Variants in GSKIP observed in about 807,000 individuals in gnomAD.
The protein encoded by GSKIP is GSK3B-interacting protein.
A neutral mutation model predicts 11.9 loss-of-function variants in GSKIP; 5 were observed. The ratio of observed to expected loss-of-function variants is 0.42; its 90% CI spans 0.22 to 0.89. The LOEUF (loss-of-function observed/expected upper bound fraction) is 0.89. Ranked by LOEUF, GSKIP falls within the 40% of genes least tolerant of loss-of-function variation. GSKIP has a pLI of 0.29. For synonymous variants in GSKIP, 70 were observed against 62.9 expected (o/e 1.11, Z -0.54); for missense variants, 150 against 166.6 (o/e 0.90, Z 0.55).
At chr14:96,376,640 T>A (rs1482015647) in intron 1 of GSKIP, among the ~76,000 whole-genome samples, 1 of 152,212 alleles carries the variant, frequency 6.6e-6, no homozygotes. Context: ...GACATATCAT[T>A]GTTTTCTGTA....
chr14:96,374,521 C>T (rs150782934), intron 1 of GSKIP, among the ~76,000 whole-genome samples: 2 of 152,184 alleles, frequency 1.3e-5, no homozygotes, highest in African/African-American at 2.4e-5. Context: ...GTGTGATAGT[C>T]GAGAAACATC....
chr14:96,369,980 A>G (rs1471461778), intron 1 of GSKIP, among the ~76,000 whole-genome samples: 2 of 152,224 alleles, frequency 1.3e-5, no homozygotes, highest in Non-Finnish European at 2.9e-5. Flanking sequence ...CAGCAGAGTC[A>G]TAGGGATGAG....
chr14:96,368,713 C>CGTATAT (rs1314412034), intron 1 of GSKIP, among the ~76,000 whole-genome samples: 2 of 152,008 alleles, frequency 1.3e-5, no homozygotes, highest in Non-Finnish European at 2.9e-5. Context: ...TATCTGTCTC[C>CGTATAT]CTCCCTCTCC....
At chr14:96,371,678 C>T (rs1038329014) in intron 1 of GSKIP, among the ~76,000 whole-genome samples, 4 of 152,130 alleles carry the variant, frequency 2.6e-5, no homozygotes, top group African/African-American at 9.7e-5. Flanking sequence ...AACTCCTGAC[C>T]TTGAGTGATC....
chr14:96,376,973 T>A (rs1268865005), intron 1 of GSKIP, among the ~76,000 whole-genome samples: 1 of 152,226 alleles, frequency 6.6e-6, no homozygotes, highest in African/African-American at 2.4e-5. Flanking sequence ...GATTCAATTA[T>A]ATCTCAAGTT....
chr14:96,366,989 C>T (rs1308791352), intron 1 of GSKIP, among the ~76,000 whole-genome samples: 1 of 152,294 alleles, frequency 6.6e-6, no homozygotes, highest in East Asian at 1.9e-4. Flanking sequence ...CACCTCACGG[C>T]TCTTGGAGGA....
At chr14:96,372,891 A>G (rs1194036432) in intron 1 of GSKIP, among the ~76,000 whole-genome samples, 1 of 152,184 alleles carries the variant, frequency 6.6e-6, no homozygotes, top group Non-Finnish European at 1.5e-5. Context: ...CTGAATACTA[A>G]TTCATGAGTT....
At chr14:96,363,746 G>A (rs1274205582) in intron 1 of GSKIP, 178 bp downstream of exon 1, 2 of 152,312 alleles carry the variant, frequency 1.3e-5, no homozygotes, top group African/African-American at 4.8e-5. Flanking sequence ...GGGTCTGGGG[G>A]CCGGTCTGGC....
At chr14:96,370,644 A>G (rs1343316665) in intron 1 of GSKIP, among the ~76,000 whole-genome samples, 1 of 151,968 alleles carries the variant, frequency 6.6e-6, no homozygotes, top group Non-Finnish European at 1.5e-5. Flanking sequence ...CTTTCTATCT[A>G]CCTACCTACC....
At chr14:96,366,969 C>T (rs1006333200) in intron 1 of GSKIP, among the ~76,000 whole-genome samples, 15 of 152,186 alleles carry the variant, frequency 9.9e-5, no homozygotes, top group African/African-American at 3.6e-4. Context: ...ACGACGCTGT[C>T]AGGGCTCCAC....
Position 96,385,610 on chromosome 14 carries a change from C to T in GSKIP, c.346C>T (p.Pro116Ser). Reference protein sequence around the residue: ...TVYSLLDTLSPAYREAFGNAL... With the variant: ...TVYSLLDTLSSAYREAFGNAL... ...CTACTCCTTGTTGGATACACTCAGC[C>T]CCGCCTACCGAGAAGCATTTGGAAA... The change falls in exon 4 of 4, where the codon CCC becomes TCC. Residue 116 changes from proline to serine, a missense_variant. Physicochemically the swap from Pro to Ser is moderately conservative, Grantham distance 74 (BLOSUM62 -1). Transcript: ENST00000555181. 1 of 1,613,376 alleles carries T rather than the reference C, an allele frequency of 6.2e-7. No homozygotes were observed. Among genetic ancestry groups the T allele is most frequent in the Non-Finnish European group, 8.5e-7 (1 of 1,179,576 alleles).
chr14:96,375,196 T>C (rs1889164259), intron 1 of GSKIP, among the ~76,000 whole-genome samples: 1 of 151,482 alleles, frequency 6.6e-6, no homozygotes, highest in Non-Finnish European at 1.5e-5. Context: ...AGATATAAAA[T>C]AGAATCCTAA....
At chr14:96,380,821 C>T (rs1889324598) in intron 2 of GSKIP, among the ~76,000 whole-genome samples, 1 of 152,154 alleles carries the variant, frequency 6.6e-6, no homozygotes, top group African/African-American at 2.4e-5. Context: ...GTGATCACAC[C>T]TGTGAATAAC....
Position 96,374,688 on chromosome 14 carries a change from GA to G in GSKIP, c.-102-4991del, listed in dbSNP as rs201183075. 3.3e-5 allele frequency among the ~76,000 whole-genome samples: 5 copies of G among 150,488 alleles called. No individual in the cohort carries two copies. The South Asian group carries it at 8.4e-4, about 25-fold the overall frequency. ...AAGAAACATATTTAAAGACTTGAAA[GA>G]AAAAAAAACTGCCAACCTAGGATTC... On this transcript the variant is annotated intron_variant, in intron 1 of 3. Coordinates refer to ENST00000555181, the MANE Select transcript of GSKIP (RefSeq NM_016472.5).
chr14:96,368,468 C>T (rs138721308), intron 1 of GSKIP, among the ~76,000 whole-genome samples: 19 of 152,298 alleles, frequency 1.2e-4, no homozygotes, highest in Admixed American at 1.2e-3. Flanking sequence ...CAGCACCCAG[C>T]CAGTGTTGCT....
At chr14:96,383,090 C>T (rs767121068) in intron 3 of GSKIP, among the ~76,000 whole-genome samples, 12 of 152,076 alleles carry the variant, frequency 7.9e-5, no homozygotes, top group Non-Finnish European at 1.3e-4. Context: ...GAAAACATCA[C>T]CTGAGAGCAA....
chr14:96,365,045 T>G (rs964017244), intron 1 of GSKIP: 11 of 152,040 alleles, frequency 7.2e-5, no homozygotes, highest in Admixed American at 1.3e-4. Flanking sequence ...ATTTATTGAT[T>G]GCCTTCTGTG....
Position 96,366,547 on chromosome 14 carries a change from CA to C in GSKIP, c.-103+2982del, listed in dbSNP as rs201972731. Among the ~76,000 whole-genome samples the C allele has an allele frequency of 8.7e-3, 1,328 of 152,160 alleles. 22 individuals are homozygous for C. Among genetic ancestry groups the C allele is most frequent in the African/African-American group, 0.03 (1,248 of 41,484 alleles). On this transcript the variant is annotated intron_variant, in intron 1 of 3. Transcript: ENST00000555181. Reference sequence around the variant, plus strand: ...TGCCATTTTTGTGTTTTGTCAAAGACAAAGTACCTGTCACAAAATGTTAACA... The same window carrying C: ...TGCCATTTTTGTGTTTTGTCAAAGACAAGTACCTGTCACAAAATGTTAACA...
In GSKIP at chr14:96,376,617, G is replaced by A. The variant is rs186368134; in HGVS notation, c.-102-3071G>A. On this transcript the variant is annotated intron_variant, in intron 1 of 3. Transcript: ENST00000555181. ...CATACAAGTTTAGTGATAAGAGTTT[G>A]TAGTAGGACGAAGACATATCATTGT... Among the ~76,000 whole-genome samples, 682 of 152,330 alleles carry A rather than the reference G, an allele frequency of 4.5e-3. 6 individuals carry two copies. The highest frequency in any genetic ancestry group is 8.3e-3 in the Non-Finnish European group (565 of 68,030).
Sources: gnomAD v4.1 joint callset for allele counts (sites outside exome capture counted in the v4.1 genomes callset) on GRCh38, gnomAD v4.1.1 for gene constraint, MANE v1.5 for transcripts, NCBI Gene and HGNC (gene_info 2026-07-23, HGNC 2026-07-21) for gene names.